SH3D19: variants seen among roughly 807,000 people sequenced by gnomAD.
SH3D19 encodes the protein SH3 domain containing 19.
Under a neutral mutation model 112.1 loss-of-function variants are expected in SH3D19, and 58 were observed. The ratio of observed to expected loss-of-function variants is 0.52; its 90% CI spans 0.42 to 0.64. The LOEUF (loss-of-function observed/expected upper bound fraction) is 0.64. Among genes scored for constraint, SH3D19 ranks in the 30% least tolerant of loss-of-function variants. The probability of loss-of-function intolerance (pLI) is 0.00; values close to 1 mark genes in which losing one functional copy is unlikely to be tolerated. For synonymous variants in SH3D19, 391 were observed against 448.5 expected, an observed-to-expected ratio of 0.87 and a Z score of 1.62; for missense variants, 1,090 against 1,263.4, an observed-to-expected ratio of 0.86 and a Z score of 2.08.
intron 1 of SH3D19, among the ~76,000 whole-genome samples, chr4:151,249,038 G>GC (rs1435086851): frequency 6.6e-6 from 1 of 152,070 alleles, no homozygotes; most frequent in Non-Finnish European, 1.5e-5. Context: ...AGTGCATATT[G>GC]CAAGATTGTT....
chr4:151,317,214 G>C (rs555110490), intron 1 of SH3D19, among the ~76,000 whole-genome samples: 48 of 152,326 alleles, frequency 3.2e-4, no homozygotes, highest in African/African-American at 1.1e-3. Context: ...AACTCTCCAA[G>C]ATCTAACTTA....
intron 13 of SH3D19, among the ~76,000 whole-genome samples, chr4:151,138,282 A>G (rs1179939553): frequency 1.3e-5 from 2 of 152,218 alleles, no homozygotes; most frequent in Admixed American, 6.5e-5. Context: ...TCTTTAGCAA[A>G]TAAGTTTACC....
chr4:151,318,650 T>TGCTAATA (rs1194903538), intron 1 of SH3D19, among the ~76,000 whole-genome samples: 2 of 152,248 alleles, frequency 1.3e-5, no homozygotes, highest in South Asian at 4.1e-4. Context: ...ATTTTATAGG[T>TGCTAATA]ATTTACTATG....
intron 17 of SH3D19, among the ~76,000 whole-genome samples, chr4:151,130,875 G>C (rs553929200): frequency 6.6e-6 from 1 of 151,992 alleles, no homozygotes; most frequent in East Asian, 1.9e-4. Flanking sequence ...CGGCAGCAGA[G>C]GTTGCAGTGA....
In SH3D19 at chr4:151,159,318, G is replaced by C; in HGVS notation, c.1677C>G (p.Leu559=). The C allele has an allele frequency of 1.3e-6, 2 of 1,582,260 alleles. No homozygotes were observed. Among genetic ancestry groups the C allele is most frequent in the South Asian group, 1.2e-5 (1 of 82,868 alleles). Residue 559 remains leucine (L), a synonymous_variant, in exon 9 of 20, where the codon CTC becomes CTG. Transcript: ENST00000604030. ...LHEDPQSPPP[L]PAEKPIGNTF... ...TGTTTCCAATAGGTTTTTCAGCAGG[G>C]AGAGGAGGTGGACTTTGTGGATCCT...
At chr4:151,282,979 C>A in intron 1 of SH3D19, 1 of 674,310 alleles carries the variant, frequency 1.5e-6, no homozygotes, top group Non-Finnish European at 2.5e-6. Context: ...AAAGATCCAC[C>A]CATAAGCAAA....
intron 2 of SH3D19, among the ~76,000 whole-genome samples, chr4:151,213,374 G>T (rs1216832685): frequency 6.6e-6 from 1 of 152,184 alleles, no homozygotes; most frequent in African/African-American, 2.4e-5. Flanking sequence ...ACCAGGAGTG[G>T]TGGTTCATGC....
chr4:151,177,003 A>T, intron 4 of SH3D19, 48 bp from the exon 5 acceptor site: 2 of 1,228,952 alleles, frequency 1.6e-6, no homozygotes, highest in Non-Finnish European at 2.0e-6. Flanking sequence ...GTAACAAGCT[A>T]TTGTCTATCT....
At chr4:151,173,193 T>C (rs2149822332) in intron 7 of SH3D19, among the ~76,000 whole-genome samples, 2 of 152,372 alleles carry the variant, frequency 1.3e-5, no homozygotes, top group South Asian at 4.1e-4. Context: ...AAAGGTAATA[T>C]TTCTTTAGCT....
chr4:151,277,534 A>G (rs1204658408), intron 1 of SH3D19, among the ~76,000 whole-genome samples: 2 of 152,182 alleles, frequency 1.3e-5, no homozygotes, highest in East Asian at 3.8e-4. Flanking sequence ...TCTGAAGTAC[A>G]GGGGCAGGAG....
intron 2 of SH3D19, among the ~76,000 whole-genome samples, chr4:151,190,390 G>A (rs1474947927): frequency 5.1e-4 from 78 of 152,188 alleles, no homozygotes. Flanking sequence ...TGGGGAGAAT[G>A]TCTCCAGGGC....
intron 2 of SH3D19, among the ~76,000 whole-genome samples, chr4:151,212,816 T>C (rs968798154): frequency 6.6e-6 from 1 of 152,228 alleles, no homozygotes; most frequent in Non-Finnish European, 1.5e-5. Flanking sequence ...GTAATTCCTC[T>C]GATGAACTGG....
intron 1 of SH3D19, among the ~76,000 whole-genome samples, chr4:151,272,613 C>T (rs1014075802): frequency 2.6e-5 from 4 of 152,144 alleles, no homozygotes; most frequent in African/African-American, 9.7e-5. Flanking sequence ...ACAACATGGA[C>T]TTACAACAGT....
At chr4:151,312,144 G>C (rs1354406738) in intron 1 of SH3D19, among the ~76,000 whole-genome samples, 1 of 151,932 alleles carries the variant, frequency 6.6e-6, no homozygotes, top group African/African-American at 2.4e-5. Context: ...ACATCATGTT[G>C]TACATCTTGA....
At chr4:151,152,586 C>T (rs1435498508) in intron 9 of SH3D19, among the ~76,000 whole-genome samples, 2 of 146,444 alleles carry the variant, frequency 1.4e-5, no homozygotes, top group Admixed American at 1.4e-4. Flanking sequence ...GTGGCATGCT[C>T]TCAGCTCACC....
Position 151,175,039 on chromosome 4 carries a change from G to C in SH3D19, c.1165C>G (p.Pro389Ala). Reference sequence around the variant, plus strand: ...GGATTAACACTTCGTATAAGGCCAGGGTTTGGTTTCTTTGGCAATTCAGGT... The same window carrying C: ...GGATTAACACTTCGTATAAGGCCAGCGTTTGGTTTCTTTGGCAATTCAGGT... ...TKPELPKKPN[P>A]GLIRSVNPEI... Residue 389 changes from proline (P) to alanine (A), a missense_variant, in exon 7 of 20, where the codon CCT becomes GCT. Physicochemically the swap from Pro to Ala is conservative, Grantham distance 27. Transcript: ENST00000604030. 1 of 1,614,182 alleles carries C rather than the reference G, an allele frequency of 6.2e-7. No homozygotes were observed. The highest frequency in any genetic ancestry group is 1.7e-5 in the Admixed American group (1 of 60,018).
chr4:151,304,496 T>C (rs912932226), intron 1 of SH3D19, among the ~76,000 whole-genome samples: 4 of 152,184 alleles, frequency 2.6e-5, no homozygotes, highest in East Asian at 1.9e-4. Context: ...CTGTAATAAT[T>C]TGTCTTGACC....
chr4:151,237,260 G>A (rs1432127686), intron 1 of SH3D19, among the ~76,000 whole-genome samples: 4 of 152,276 alleles, frequency 2.6e-5, no homozygotes, highest in South Asian at 4.1e-4. Context: ...CCAAGAACCC[G>A]CCAATTTCGG....
chr4:151,224,291 A>G (rs1768604718), intron 2 of SH3D19, among the ~76,000 whole-genome samples: 2 of 152,216 alleles, frequency 1.3e-5, no homozygotes, highest in Middle Eastern at 3.4e-3. Flanking sequence ...CCTGGGAAAC[A>G]GGGCGAGACT....
Sources: gnomAD v4.1 joint callset for allele counts (sites outside exome capture counted in the v4.1 genomes callset) on GRCh38, gnomAD v4.1.1 for gene constraint, MANE v1.5 for transcripts, NCBI Gene and HGNC (gene_info 2026-07-23, HGNC 2026-07-21) for gene names.